Variants in NEK5 observed in about 807,000 individuals in gnomAD.
The protein encoded by NEK5 is serine/threonine-protein kinase Nek5.
NEK5 carries 88 observed loss-of-function variants against 109.2 expected under a neutral mutation model. The ratio of observed to expected loss-of-function variants is 0.81; its 90% CI spans 0.68 to 0.96. NEK5 has a LOEUF of 0.96. Among genes scored for constraint, NEK5 ranks in the 40% least tolerant of loss-of-function variants. The pLI, the probability that NEK5 is intolerant of heterozygous loss-of-function variation, is 0.00. For missense variants in NEK5, 834 were observed against 920.7 expected, an observed-to-expected ratio of 0.91 and a Z score of 1.22; for synonymous variants, 283 against 299.9, an observed-to-expected ratio of 0.94 and a Z score of 0.58.
Position 52,076,104 on chromosome 13 carries a change from T to G in NEK5, c.1612A>C (p.Thr538Pro), listed in dbSNP as rs1323753074. 1 of 1,601,910 alleles carries G rather than the reference T, an allele frequency of 6.2e-7. No homozygotes were observed. Among genetic ancestry groups the G allele is most frequent in the Admixed American group, 1.7e-5 (1 of 58,578 alleles). ...KDLKQMRLQN[T>P]KESKNPEQKY... ...TGTTCTGGATTTTTACTTTCCTTTG[T>G]GTTCTGAAGCCTCATTTGTTTCAAG... The change falls in exon 18 of 24, where the codon ACA (threonine) becomes CCA (proline). Residue 538 changes from threonine to proline, a missense_variant. Thr to Pro is a conservative substitution (Grantham distance 38). Coordinates refer to ENST00000684899, the MANE Select transcript of NEK5 (RefSeq NM_001365552.1).
intron 3 of NEK5, among the ~76,000 whole-genome samples, chr13:52,122,077 A>G (rs559522508): frequency 3.9e-5 from 6 of 152,234 alleles, no homozygotes; most frequent in African/African-American, 9.6e-5. Context: ...AAATTATGGT[A>G]TTTTTGACCT....
At chr13:52,087,932 T>C (rs1476305685) in intron 14 of NEK5, among the ~76,000 whole-genome samples, 2 of 141,026 alleles carry the variant, frequency 1.4e-5, no homozygotes, top group African/African-American at 5.3e-5. Context: ...GCCTTTCTTT[T>C]TTTTTTTTTT....
intron 7 of NEK5, among the ~76,000 whole-genome samples, chr13:52,110,034 T>C (rs1289499702): frequency 1.3e-5 from 2 of 152,212 alleles, no homozygotes; most frequent in Admixed American, 1.3e-4. Flanking sequence ...AGTTTGACTT[T>C]TTTCATTAAG....
intron 20 of NEK5, among the ~76,000 whole-genome samples, chr13:52,070,690 C>T (rs757962715): frequency 6.6e-6 from 1 of 152,162 alleles, no homozygotes; most frequent in Non-Finnish European, 1.5e-5. Context: ...ATTGCTCAGT[C>T]TCAGGTATGT....
intron 23 of NEK5, among the ~76,000 whole-genome samples, chr13:52,037,872 G>A (rs9596624): frequency 3.3e-5 from 5 of 151,818 alleles, no homozygotes; most frequent in African/African-American, 4.8e-5. Flanking sequence ...GCAGTGAGCC[G>A]AGATCGCGCC....
Position 52,036,856 on chromosome 13 carries a change from A to G in NEK5, c.*92T>C. On this transcript the variant is annotated 3_prime_UTR_variant, in exon 24 of 24. Transcript: ENST00000684899. ...AATAAATCCTTGAGATTACTAGAAA[A>G]CCCTTACAGTAAATGAGCATTTATG... is the stretch of plus-strand genomic sequence containing the variant. 1 of 532,486 alleles carries G rather than the reference A, an allele frequency of 1.9e-6. No individual in the cohort carries two copies. The highest frequency in any genetic ancestry group is 2.4e-6 in the Non-Finnish European group (1 of 416,496). 33.0% of individuals were successfully genotyped at this position (532,486 alleles called of 1,614,324 possible).
intron 3 of NEK5, among the ~76,000 whole-genome samples, chr13:52,122,794 G>A (rs1955995844): frequency 6.6e-6 from 1 of 151,988 alleles, no homozygotes; most frequent in South Asian, 2.1e-4. Context: ...TATCTACCAT[G>A]ACACCAATCA....
chr13:52,074,637 T>A (rs1175265199), intron 19 of NEK5, among the ~76,000 whole-genome samples: 1 of 152,122 alleles, frequency 6.6e-6, no homozygotes, highest in Middle Eastern at 3.2e-3. Flanking sequence ...AAGTGGAACC[T>A]AATTAAACTA....
At chr13:52,125,589 A>G (rs1044696431) in intron 3 of NEK5, among the ~76,000 whole-genome samples, 1 of 152,196 alleles carries the variant, frequency 6.6e-6, no homozygotes, top group African/African-American at 2.4e-5. Flanking sequence ...TATTACCTGA[A>G]GTTATCTAGC....
chr13:52,046,420 A>G (rs1954459685), intron 23 of NEK5, among the ~76,000 whole-genome samples: 1 of 151,442 alleles, frequency 6.6e-6, no homozygotes, highest in African/African-American at 2.4e-5. Flanking sequence ...TCAAGGTTAC[A>G]GTAAGCCATG....
intron 23 of NEK5, among the ~76,000 whole-genome samples, chr13:52,038,722 G>A (rs887520939): frequency 8.6e-5 from 13 of 151,160 alleles, no homozygotes; most frequent in Admixed American, 7.9e-4. Flanking sequence ...CTACTCAGGA[G>A]GCTGATGCAG....
At chr13:52,085,167 T>C (rs1955115654) in intron 16 of NEK5, among the ~76,000 whole-genome samples, 1 of 152,134 alleles carries the variant, frequency 6.6e-6, no homozygotes, top group Non-Finnish European at 1.5e-5. Flanking sequence ...ACTATTTTAA[T>C]GGTAGTGAGT....
rs547959834 is a variant in NEK5 at position 52,035,945 on chromosome 13, T to C, written c.*1003A>G. On this transcript the variant is annotated 3_prime_UTR_variant, in exon 24 of 24. Transcript: ENST00000684899. ...ATGTTAAATGAGTGAACCTGTATAT[T>C]GTATTTGTTTTCTATTGCTGTCCTA... The C allele has an allele frequency of 2.6e-5, 4 of 151,914 alleles. No individual in the cohort carries two copies. The highest frequency in any genetic ancestry group is 4.2e-4 in the South Asian group (2 of 4,812). 9.4% of individuals were successfully genotyped at this position (151,914 alleles called of 1,614,324 possible).
intron 13 of NEK5, among the ~76,000 whole-genome samples, chr13:52,091,000 T>C (rs1955271098): frequency 6.6e-6 from 1 of 151,444 alleles, no homozygotes; most frequent in South Asian, 2.1e-4. Context: ...CACTCCAGCC[T>C]GGGCGACAGA....
At chr13:52,064,771 G>A (rs1029402968) in intron 21 of NEK5, 3 of 231,726 alleles carry the variant, frequency 1.3e-5, no homozygotes, top group South Asian at 9.7e-5. Context: ...ATTTTGTTCC[G>A]TACTAAGAAA....
At chr13:52,082,548 T>A (rs1955036102) in intron 17 of NEK5, among the ~76,000 whole-genome samples, 1 of 152,240 alleles carries the variant, frequency 6.6e-6, no homozygotes, top group Admixed American at 6.5e-5. Context: ...CATCTTGTAT[T>A]ATAATTGCAT....
Position 52,046,731 on chromosome 13 carries a change from A to C in NEK5, c.2228+3373T>G, listed in dbSNP as rs78405977. 1.4e-4 allele frequency among the ~76,000 whole-genome samples: 20 copies of C among 141,820 alleles called. No homozygotes were observed. In the East Asian group the frequency reaches 4.0e-3, roughly 28 times the overall value. The allele number at this position is 141,820 out of a possible 152,430, so 93.0% of individuals were successfully genotyped here. On this transcript the variant is annotated intron_variant, in intron 23 of 23. Coordinates refer to ENST00000684899, the MANE Select transcript of NEK5 (RefSeq NM_001365552.1). ...GGGTGATAGACGGACACCCTGTCTC[A>C]AAAAAAAAAAAATCCTAGAATCTTT...
chr13:52,124,558 T>G (rs1390632258), intron 3 of NEK5, among the ~76,000 whole-genome samples: 1 of 152,226 alleles, frequency 6.6e-6, no homozygotes, highest in Non-Finnish European at 1.5e-5. Context: ...GGACATTTGT[T>G]TTCTAACTGT....
chr13:52,112,224 C>T (rs932342398), intron 5 of NEK5, 44 bp downstream of exon 5: 2 of 1,007,444 alleles, frequency 2.0e-6, no homozygotes, highest in South Asian at 1.3e-5. Flanking sequence ...ATTCTCCCCC[C>T]ACCACACATA....
Sources: gnomAD v4.1 joint callset for allele counts (sites outside exome capture counted in the v4.1 genomes callset) on GRCh38, gnomAD v4.1.1 for gene constraint, MANE v1.5 for transcripts, NCBI Gene and HGNC (gene_info 2026-07-23, HGNC 2026-07-21) for gene names.